TCF4: variants seen among roughly 807,000 people sequenced by gnomAD.
The protein encoded by TCF4 is transcription factor 4, also known as SL3-3 enhancer factor 2.
Under a neutral mutation model 82.1 loss-of-function variants are expected in TCF4, and 3 were observed. That is an observed-to-expected ratio of 0.04 (90% CI 0.02 to 0.09). The LOEUF (loss-of-function observed/expected upper bound fraction) is 0.09. Ranked by LOEUF, TCF4 falls within the 10% of genes least tolerant of loss-of-function variation. The probability of loss-of-function intolerance (pLI) is 1.00; values close to 1 mark genes in which losing one functional copy is unlikely to be tolerated. For synonymous variants in TCF4, 276 were observed against 309.6 expected, an observed-to-expected ratio of 0.89 and a Z score of 1.14; for missense variants, 518 against 852.7, an observed-to-expected ratio of 0.61 and a Z score of 4.89.
At chr18:55,243,344 GAAC>G (rs1011951450) in intron 15 of TCF4, among the ~76,000 whole-genome samples, 51 of 152,270 alleles carry the variant, frequency 3.3e-4, no homozygotes, top group African/African-American at 1.2e-3. Flanking sequence ...GCTACAAAGT[GAAC>G]AACACAGGGC....
intron 2 of TCF4, among the ~76,000 whole-genome samples, chr18:55,626,240 G>T (rs2097726432): frequency 6.6e-6 from 1 of 152,116 alleles, no homozygotes; most frequent in Non-Finnish European, 1.5e-5. Flanking sequence ...ACTACTTAAA[G>T]GAAGAATCTG....
intron 9 of TCF4, among the ~76,000 whole-genome samples, chr18:55,276,854 T>TGAA (rs1238283840): frequency 6.6e-6 from 1 of 152,226 alleles, no homozygotes; most frequent in Non-Finnish European, 1.5e-5. Context: ...CTGTATTTCG[T>TGAA]GAAGCTCTTT....
chr18:55,355,870 T>C (rs757131479), intron 6 of TCF4, among the ~76,000 whole-genome samples: 1 of 152,184 alleles, frequency 6.6e-6, no homozygotes. Flanking sequence ...AAACATATCA[T>C]GCACATTGTG....
intron 11 of TCF4, chr18:55,269,482 A>T (rs1323005996): frequency 2.9e-6 from 1 of 341,866 alleles, no homozygotes; most frequent in African/African-American, 2.1e-5. Context: ...AACTACCATT[A>T]AGAGCTATTC....
At chr18:55,601,640 T>C (rs1422798535) in intron 2 of TCF4, among the ~76,000 whole-genome samples, 1 of 151,958 alleles carries the variant, frequency 6.6e-6, no homozygotes, top group Admixed American at 6.6e-5. Flanking sequence ...AAAAATTAGC[T>C]GGGTGCGGTG....
At chr18:55,625,046 C>A (rs557603797) in intron 2 of TCF4, among the ~76,000 whole-genome samples, 25 of 152,068 alleles carry the variant, frequency 1.6e-4, no homozygotes, top group Non-Finnish European at 3.2e-4. Context: ...TAAATATTTT[C>A]ATAAAAATCA....
chr18:55,525,231 T>C (rs2096969426), intron 3 of TCF4, among the ~76,000 whole-genome samples: 1 of 151,592 alleles, frequency 6.6e-6, no homozygotes, highest in South Asian at 2.1e-4. Flanking sequence ...GTTTACATTT[T>C]GAATCAAAAA....
chr18:55,608,337 A>C (rs2097704021), intron 2 of TCF4, among the ~76,000 whole-genome samples: 1 of 151,888 alleles, frequency 6.6e-6, no homozygotes, highest in Admixed American at 6.6e-5. Context: ...ATGCAGGGAG[A>C]AAATTAGACC....
chr18:55,623,207 T>G (rs1263525816), intron 2 of TCF4, among the ~76,000 whole-genome samples: 1 of 152,184 alleles, frequency 6.6e-6, no homozygotes, highest in Non-Finnish European at 1.5e-5. Context: ...GTGGTCACTA[T>G]GTCAAAATTT....
At chr18:55,439,064 G>A (rs1022964088) in intron 5 of TCF4, among the ~76,000 whole-genome samples, 1 of 152,174 alleles carries the variant, frequency 6.6e-6, no homozygotes, top group African/African-American at 2.4e-5. Flanking sequence ...ACCAGGGCGG[G>A]GCAGTGGTTG....
intron 3 of TCF4, among the ~76,000 whole-genome samples, chr18:55,480,305 G>A (rs947068592): frequency 2.9e-5 from 3 of 102,230 alleles, no homozygotes; most frequent in Middle Eastern, 5.1e-3. Context: ...AAGCGGGGGG[G>A]CGGGGGGAGG....
In TCF4 at chr18:55,279,588, T is replaced by C. The variant is rs1436491486; in HGVS notation, c.618A>G (p.Pro206=). 1 of 1,613,986 alleles carries C rather than the reference T, an allele frequency of 6.2e-7. No homozygotes were observed. The highest frequency in any genetic ancestry group is 1.1e-5 in the South Asian group (1 of 91,084). ...AGGAGCTAGGGAAAGTGCTGGTTGCTGGTTTGGAGGAAGGATAGCCTGGCG... is the reference window on the plus strand; with the variant it reads ...AGGAGCTAGGGAAAGTGCTGGTTGCCGGTTTGGAGGAAGGATAGCCTGGCG... ...RDSPGYPSSK[P]ATSTFPSSFF... The change falls in exon 9 of 20, where the codon CCA becomes CCG. Residue 206 remains proline (P), a synonymous_variant. Coordinates refer to ENST00000354452, the MANE Select transcript of TCF4 (RefSeq NM_001083962.2).
intron 3 of TCF4, among the ~76,000 whole-genome samples, chr18:55,478,568 A>G (rs990874486): frequency 5.3e-5 from 8 of 152,286 alleles, no homozygotes; most frequent in Admixed American, 2.6e-4. Context: ...AAACCGCGAA[A>G]TCTGCAGTTA....
chr18:55,232,275 A>T (rs1372243813), intron 17 of TCF4: 2 of 493,246 alleles, frequency 4.1e-6, no homozygotes, highest in Non-Finnish European at 7.2e-6. Context: ...AAATTTTTTC[A>T]CTGTGTGTCA....
chr18:55,544,346 T>G (rs1251680449), intron 3 of TCF4, among the ~76,000 whole-genome samples: 1 of 152,186 alleles, frequency 6.6e-6, no homozygotes, highest in Non-Finnish European at 1.5e-5. Flanking sequence ...CACAACATAC[T>G]AGGGGGCTGA....
chr18:55,302,870 T>C (rs2068771641), intron 8 of TCF4, among the ~76,000 whole-genome samples: 1 of 152,124 alleles, frequency 6.6e-6, no homozygotes, highest in African/African-American at 2.4e-5. Context: ...ATGCCTCTTT[T>C]ACAGAATAAA....
intron 3 of TCF4, among the ~76,000 whole-genome samples, chr18:55,542,306 TA>T (rs2097171180): frequency 6.6e-6 from 1 of 151,960 alleles, no homozygotes; most frequent in Non-Finnish European, 1.5e-5. Flanking sequence ...CATAGAATCT[TA>T]AAAGTTAATT....
chr18:55,403,991 G>A, intron 5 of TCF4: 2 of 1,249,112 alleles, frequency 1.6e-6, no homozygotes, highest in Non-Finnish European at 2.0e-6. Context: ...TCAAAATTCT[G>A]AGTCTCTCTC....
intron 3 of TCF4, among the ~76,000 whole-genome samples, chr18:55,511,427 T>C (rs1304187439): frequency 6.6e-6 from 1 of 151,556 alleles, no homozygotes; most frequent in Non-Finnish European, 1.5e-5. Flanking sequence ...ATTCAGTTCC[T>C]ATACTGGAGT....
Sources: gnomAD v4.1 joint callset for allele counts (sites outside exome capture counted in the v4.1 genomes callset) on GRCh38, gnomAD v4.1.1 for gene constraint, MANE v1.5 for transcripts, NCBI Gene and HGNC (gene_info 2026-07-23, HGNC 2026-07-21) for gene names.